Variants in SCN2A observed in about 807,000 individuals in gnomAD.
The protein encoded by SCN2A is sodium voltage-gated channel alpha subunit 2.
Under a neutral mutation model 188.7 loss-of-function variants are expected in SCN2A, and 20 were observed. The observed-to-expected ratio is 0.11, with a 90% confidence interval of 0.07 to 0.15. SCN2A has a LOEUF of 0.15. Among genes scored for constraint, SCN2A ranks in the 10% least tolerant of loss-of-function variants. The pLI is 1.00. For missense variants in SCN2A, 1,278 were observed against 2,445.0 expected, an observed-to-expected ratio of 0.52 and a Z score of 10.07; for synonymous variants, 804 against 833.1, an observed-to-expected ratio of 0.97 and a Z score of 0.60.
intron 26 of SCN2A, among the ~76,000 whole-genome samples, chr2:165,387,657 A>G (rs1701945083): frequency 6.6e-6 from 1 of 152,144 alleles, no homozygotes; most frequent in South Asian, 2.1e-4. Context: ...AAAAATATAT[A>G]TATACAGTGT....
At chr2:165,327,262 A>T (rs1243450281) in intron 13 of SCN2A, 1 of 407,950 alleles carries the variant, frequency 2.5e-6, no homozygotes, top group Admixed American at 3.6e-5. Flanking sequence ...TGTGTGCATG[A>T]CGTTGAAAAG....
At chr2:165,274,510 T>C (rs766971134) in intron 1 of SCN2A, among the ~76,000 whole-genome samples, 4 of 152,160 alleles carry the variant, frequency 2.6e-5, no homozygotes, top group Non-Finnish European at 4.4e-5. Flanking sequence ...TACCCCTATA[T>C]TGAATAGAAA....
At chr2:165,331,632 C>T (rs1392223677) in intron 14 of SCN2A, 64 bp downstream of exon 14, 3 of 1,232,400 alleles carry the variant, frequency 2.4e-6, no homozygotes, top group Non-Finnish European at 3.6e-6. Context: ...GTGAATTTTA[C>T]ATATTGCTCT....
At chr2:165,352,034 C>T (rs975858327) in intron 16 of SCN2A, among the ~76,000 whole-genome samples, 2 of 151,996 alleles carry the variant, frequency 1.3e-5, no homozygotes, top group African/African-American at 2.4e-5. Context: ...AATTGGCTCC[C>T]GCCCTGGGGA....
intron 1 of SCN2A, among the ~76,000 whole-genome samples, chr2:165,295,099 C>A (rs979864643): frequency 6.6e-6 from 1 of 152,116 alleles, no homozygotes; most frequent in Non-Finnish European, 1.5e-5. Context: ...GACTTCCTGC[C>A]CGGTTTGGCA....
rs184974087 is a variant in SCN2A at position 165,282,843 on chromosome 2, T to C, written c.-51-12930T>C. On this transcript the variant is annotated intron_variant, in intron 1 of 26. Transcript: ENST00000375437. ...TAATGGTAGAGGAGGTGAGAAATGA[T>C]TGGATCCAAGATATATTTTGAATAT... Among the ~76,000 whole-genome samples, 167 of 152,292 alleles carry C rather than the reference T, an allele frequency of 1.1e-3. 1 individual carries two copies. The highest frequency in any genetic ancestry group is 0.01 in the Middle Eastern group (3 of 294).
intron 1 of SCN2A, among the ~76,000 whole-genome samples, chr2:165,263,093 G>GT (rs1396232879): frequency 2.6e-5 from 4 of 151,818 alleles, no homozygotes; most frequent in Admixed American, 6.6e-5. Flanking sequence ...GAGATTGTTT[G>GT]TTTTTTTCTG....
chr2:165,285,940 G>A, intron 1 of SCN2A: 1 of 227,398 alleles, frequency 4.4e-6, no homozygotes, highest in Non-Finnish European at 9.2e-6. Context: ...AGAACGAGGG[G>A]CAAAATGACC....
intron 17 of SCN2A, among the ~76,000 whole-genome samples, chr2:165,357,763 A>C (rs1457761847): frequency 6.6e-6 from 1 of 152,152 alleles, no homozygotes; most frequent in African/African-American, 2.4e-5. Context: ...TACCATTCTT[A>C]CTTCTCACAG....
intron 14 of SCN2A, among the ~76,000 whole-genome samples, chr2:165,334,413 A>T (rs972014961): frequency 2.0e-5 from 3 of 151,946 alleles, no homozygotes; most frequent in Admixed American, 2.0e-4. Flanking sequence ...ATCACATAAC[A>T]TATTTAGATT....
chr2:165,327,427 G>T, intron 13 of SCN2A: 1 of 189,298 alleles, frequency 5.3e-6, no homozygotes, highest in East Asian at 1.5e-4. Context: ...GAAGCAAAGT[G>T]TTTAAAATTT....
intron 19 of SCN2A, among the ~76,000 whole-genome samples, 176 bp from the exon 20 acceptor site, chr2:165,369,950 C>T (rs995106103): frequency 6.6e-6 from 1 of 152,096 alleles, no homozygotes; most frequent in African/African-American, 2.4e-5. Flanking sequence ...GACTGAAATG[C>T]CCAGTCAGCA....
chr2:165,325,959 A>G (rs1457018304), intron 12 of SCN2A, among the ~76,000 whole-genome samples: 1 of 152,176 alleles, frequency 6.6e-6, no homozygotes, highest in East Asian at 1.9e-4. Flanking sequence ...TCATATTATT[A>G]TATTTTGATC....
In SCN2A at chr2:165,326,997, T is replaced by A. The variant is rs1391640898; in HGVS notation, c.2149+13T>A. ...AACACCATGGAAGGTATGTTAAAAG[T>A]CCTGCGTCACAGTTACTTGGTGCTT... is the stretch of plus-strand genomic sequence containing the variant. On this transcript the variant is annotated intron_variant, in intron 13 of 26. Transcript: ENST00000375437. 1.9e-6 allele frequency: 3 copies of A among 1,613,722 alleles called. No homozygotes were observed. The highest frequency in any genetic ancestry group is 2.5e-6 in the Non-Finnish European group (3 of 1,179,806).
chr2:165,372,278 T>G (rs1275550776), intron 20 of SCN2A: 2 of 152,202 alleles, frequency 1.3e-5, no homozygotes, highest in African/African-American at 4.8e-5. Flanking sequence ...GGCTTCACTT[T>G]CAAATTGCAT....
At chr2:165,261,729 T>C (rs1293813694) in intron 1 of SCN2A, among the ~76,000 whole-genome samples, 1 of 152,188 alleles carries the variant, frequency 6.6e-6, no homozygotes, top group African/African-American at 2.4e-5. Flanking sequence ...AGCTTCCCAT[T>C]GTTTTAGTCA....
At chr2:165,307,388 C>T (rs772505263) in intron 3 of SCN2A, among the ~76,000 whole-genome samples, 22 of 152,036 alleles carry the variant, frequency 1.4e-4, no homozygotes, top group Non-Finnish European at 2.4e-4. Flanking sequence ...ATATTATACC[C>T]TCTGTTTAGA....
chr2:165,257,371 A>G (rs1414806058), intron 1 of SCN2A, among the ~76,000 whole-genome samples: 1 of 152,220 alleles, frequency 6.6e-6, no homozygotes, highest in African/African-American at 2.4e-5. Context: ...ACACCACCAG[A>G]AAAGCAATTA....
intron 16 of SCN2A, among the ~76,000 whole-genome samples, chr2:165,347,579 C>T (rs1699666360): frequency 6.6e-6 from 1 of 152,098 alleles, no homozygotes; most frequent in South Asian, 2.1e-4. Context: ...TATCCCAAAA[C>T]TTAGAGTATA....
Sources: gnomAD v4.1 joint callset for allele counts (sites outside exome capture counted in the v4.1 genomes callset) on GRCh38, gnomAD v4.1.1 for gene constraint, MANE v1.5 for transcripts, NCBI Gene and HGNC (gene_info 2026-07-23, HGNC 2026-07-21) for gene names.